DNAH9: variants seen among roughly 807,000 people sequenced by gnomAD.
DNAH9 encodes the protein dynein axonemal heavy chain 9, also known as DNAH9 variant protein.
Under a neutral mutation model 471.6 loss-of-function variants are expected in DNAH9, and 345 were observed. That is an observed-to-expected ratio of 0.73 (90% CI 0.67 to 0.80). DNAH9 has a LOEUF of 0.80. Among genes scored for constraint, DNAH9 ranks in the 30% least tolerant of loss-of-function variants. The pLI, the probability that DNAH9 is intolerant of heterozygous loss-of-function variation, is 0.00. For synonymous variants in DNAH9, 2,093 were observed against 2,123.6 expected (o/e 0.99, Z 0.40); for missense variants, 5,407 against 5,609.2 (o/e 0.96, Z 1.15).
chr17:11,760,952 G>C (rs1292756949), intron 35 of DNAH9, among the ~76,000 whole-genome samples: 1 of 152,208 alleles, frequency 6.6e-6, no homozygotes, highest in Non-Finnish European at 1.5e-5. Flanking sequence ...TCACAGTGTT[G>C]TAATGCCAGC....
At chr17:11,769,628 A>C (rs562467535) in intron 38 of DNAH9, among the ~76,000 whole-genome samples, 1 of 152,356 alleles carries the variant, frequency 6.6e-6, no homozygotes, top group East Asian at 1.9e-4. Flanking sequence ...GAGAGCTACA[A>C]GCCATGGAGA....
intron 61 of DNAH9, among the ~76,000 whole-genome samples, chr17:11,914,472 C>A (rs1973877961): frequency 6.6e-6 from 1 of 152,040 alleles, no homozygotes; most frequent in African/African-American, 2.4e-5. Context: ...TCTTTATATC[C>A]CATGTCTTTT....
At chr17:11,863,489 G>C (rs948326973) in intron 50 of DNAH9, among the ~76,000 whole-genome samples, 11 of 152,096 alleles carry the variant, frequency 7.2e-5, no homozygotes, top group Non-Finnish European at 1.6e-4. Context: ...TCTCTTTTTT[G>C]GTTGTGTCTC....
intron 67 of DNAH9, among the ~76,000 whole-genome samples, chr17:11,959,218 TC>T (rs1344236216): frequency 6.6e-6 from 1 of 152,208 alleles, no homozygotes; most frequent in African/African-American, 2.4e-5. Context: ...AGGTTTTCCA[TC>T]CTCATCACTT....
At chr17:11,673,857 TATATGGATATATACACATGTGTATGC>T in intron 17 of DNAH9, among the ~76,000 whole-genome samples, 1 of 152,334 alleles carries the variant, frequency 6.6e-6, no homozygotes, top group South Asian at 2.1e-4. Context: ...TGTGTGTATG[TATATGGATATATACACATGTGTATGC>T]ATATGGATGT....
chr17:11,811,897 G>A (rs1479881810), intron 45 of DNAH9, among the ~76,000 whole-genome samples: 2 of 146,634 alleles, frequency 1.4e-5, no homozygotes, highest in African/African-American at 5.0e-5. Context: ...GGGTGAGGCA[G>A]GAGAATCACT....
At chr17:11,746,116 CAAGAG>C (rs2075520033) in intron 31 of DNAH9, among the ~76,000 whole-genome samples, 1 of 152,154 alleles carries the variant, frequency 6.6e-6, no homozygotes, top group South Asian at 2.1e-4. Context: ...GGTCAAGAGT[CAAGAG>C]AAAAGAATAA....
intron 67 of DNAH9, among the ~76,000 whole-genome samples, chr17:11,951,500 G>A (rs1430316967): frequency 2.6e-5 from 4 of 152,086 alleles, no homozygotes; most frequent in Non-Finnish European, 5.9e-5. Flanking sequence ...AGCCAACATG[G>A]CAAAATCCCA....
intron 45 of DNAH9, among the ~76,000 whole-genome samples, chr17:11,814,499 T>C (rs975192897): frequency 6.6e-6 from 1 of 152,254 alleles, no homozygotes; most frequent in Non-Finnish European, 1.5e-5. Context: ...TAATTCATTT[T>C]CCTGTCCCAG....
chr17:11,834,328 CAAAAAA>C lies in DNAH9; in HGVS notation c.9247-294_9247-289del, dbSNP rs762924565. On this transcript the variant is annotated intron_variant, in intron 48 of 68. Coordinates refer to ENST00000262442, the MANE Select transcript of DNAH9 (RefSeq NM_001372.4). ...CGGGTGACAGAGTGAGACTCCGTCTCAAAAAAAAAAAAAAAAAAAAAGAAGAAGAAG... is the reference window on the plus strand; with the variant it reads ...CGGGTGACAGAGTGAGACTCCGTCTCAAAAAAAAAAAAAAAGAAGAAGAAG... 7.7e-4 allele frequency among the ~76,000 whole-genome samples: 60 copies of C among 77,836 alleles called. No homozygotes were observed. The East Asian group carries it at 0.013, about 17-fold the overall frequency. The allele number at this position is 77,836 out of a possible 152,430, so 51.1% of individuals were successfully genotyped here.
intron 26 of DNAH9, among the ~76,000 whole-genome samples, chr17:11,708,764 C>T (rs2074777083): frequency 6.6e-6 from 1 of 152,130 alleles, no homozygotes. Context: ...GGAGTTTATA[C>T]CACTTGGGAC....
In DNAH9 at chr17:11,756,658, G is replaced by T; in HGVS notation, c.6829G>T (p.Ala2277Ser). Residue 2277 changes from alanine to serine, a missense_variant, in exon 34 of 69, where the codon GCA (alanine) becomes TCA (serine). By Grantham distance (99) the Ala-to-Ser change is moderately conservative. This residue lies in a region of DNAH9 where 4,636 missense variants were observed against 4,900.3 expected (regional missense o/e 0.95). Coordinates refer to ENST00000262442, the MANE Select transcript of DNAH9 (RefSeq NM_001372.4). ...CAGCCACCTGCGCACAGCCACTCCA[G>T]CAACTGTCTCTAGAGCAGGTACGGC... ...EISHLRTATP[A>S]TVSRAGILYI... The T allele has an allele frequency of 6.2e-7, 1 of 1,610,324 alleles. No homozygotes were observed. The highest frequency in any genetic ancestry group is 1.3e-5 in the African/African-American group (1 of 74,916).
intron 27 of DNAH9, 40 bp from the exon 28 acceptor site, chr17:11,727,778 T>C: frequency 7.2e-7 from 1 of 1,397,964 alleles, no homozygotes; most frequent in South Asian, 1.2e-5. Context: ...TTGATAAGCC[T>C]GGCCCGTTGG....
At chr17:11,816,903 C>CA (rs1970119239) in intron 45 of DNAH9, among the ~76,000 whole-genome samples, 1 of 151,966 alleles carries the variant, frequency 6.6e-6, no homozygotes, top group Non-Finnish European at 1.5e-5. Flanking sequence ...ACTACAAATA[C>CA]AAAAAATTAG....
Position 11,875,149 on chromosome 17 carries a change from T to C in DNAH9, c.10443T>C (p.Gly3481=). The C allele has an allele frequency of 6.2e-7, 1 of 1,614,024 alleles. No homozygotes were observed. Among genetic ancestry groups the C allele is most frequent in the Non-Finnish European group, 8.5e-7 (1 of 1,180,000 alleles). ...TCAAATGGATCAAGAATAAATATGG[T>C]GAAGATCTCCGGGTCACGCAGATTG... ...QGIKWIKNKY[G]EDLRVTQIGQ... is the part of the protein sequence containing the mutation. Residue 3481 remains glycine (G), a synonymous_variant, in exon 53 of 69, where the codon GGT becomes GGC. Coordinates refer to ENST00000262442, the MANE Select transcript of DNAH9 (RefSeq NM_001372.4).
At chr17:11,796,380 G>A (rs1341319811) in intron 42 of DNAH9, among the ~76,000 whole-genome samples, 1 of 152,234 alleles carries the variant, frequency 6.6e-6, no homozygotes, top group Non-Finnish European at 1.5e-5. Context: ...AGCCAGAATA[G>A]TTTAAAAGTT....
In DNAH9 at chr17:11,854,282, G is replaced by A; in HGVS notation, c.9787G>A (p.Ala3263Thr). The A allele has an allele frequency of 2.5e-6, 4 of 1,614,198 alleles. No individual in the cohort carries two copies. The highest frequency in any genetic ancestry group is 3.4e-6 in the Non-Finnish European group (4 of 1,180,040). The change falls in exon 50 of 69, where the codon GCA becomes ACA. Residue 3263 changes from alanine to threonine, a missense_variant. By Grantham distance (58) the Ala-to-Thr change is moderately conservative. This residue lies in a region of DNAH9 where 4,636 missense variants were observed against 4,900.3 expected (regional missense o/e 0.95). Coordinates refer to ENST00000262442, the MANE Select transcript of DNAH9 (RefSeq NM_001372.4). The stretch of plus-strand genomic sequence containing the variant: ...TGTGGCCACCAAATCCTATGCGGCT[G>A]CAGGCCTCTGCTCCTGGGTCATCAA... ...EFVATKSYAA[A>T]GLCSWVINIV... is the part of the protein sequence containing the mutation.
intron 39 of DNAH9, among the ~76,000 whole-genome samples, chr17:11,782,801 G>A (rs1242652571): frequency 6.6e-6 from 1 of 152,190 alleles, no homozygotes; most frequent in African/African-American, 2.4e-5. Flanking sequence ...GGAGGCTGAG[G>A]CAGGAGAATG....
At chr17:11,951,820 G>A (rs1246271594) in intron 67 of DNAH9, among the ~76,000 whole-genome samples, 4 of 151,750 alleles carry the variant, frequency 2.6e-5, no homozygotes, top group African/African-American at 9.7e-5. Context: ...CTACTCGGGA[G>A]GCTGAGGCAG....
Sources: gnomAD v4.1 joint callset for allele counts (sites outside exome capture counted in the v4.1 genomes callset) on GRCh38, gnomAD v4.1.1 for gene constraint, gnomAD v4.1.1 regional missense constraint, MANE v1.5 for transcripts, NCBI Gene and HGNC (gene_info 2026-07-23, HGNC 2026-07-21) for gene names.